The following SCHIP1 variants were observed in gnomAD, a reference collection of about 807,000 sequenced individuals.
SCHIP1 encodes schwannomin interacting protein 1.
SCHIP1 carries 8 observed loss-of-function variants against 29.7 expected under a neutral mutation model. The observed-to-expected ratio is 0.27, with a 90% CI of 0.16 to 0.49. The LOEUF (loss-of-function observed/expected upper bound fraction) is 0.49. Ranked by LOEUF, SCHIP1 falls within the 20% of genes least tolerant of loss-of-function variation. SCHIP1 has a pLI of 0.99. For missense variants in SCHIP1, 193 were observed against 294.6 expected (o/e 0.66, Z 2.52); for synonymous variants, 76 against 94.9 (o/e 0.80, Z 1.16).
At chr3:159,566,053 G>A in the SCHIP1 span, among the ~76,000 whole-genome samples, 3 of 152,130 alleles carry the variant, frequency 2.0e-5, no homozygotes, top group Non-Finnish European at 4.4e-5. Context: ...CATGTTCTAG[G>A]AGATTACATA....
At chr3:159,812,877 G>T in the SCHIP1 span, among the ~76,000 whole-genome samples, 6 of 152,176 alleles carry the variant, frequency 3.9e-5, no homozygotes, top group African/African-American at 7.2e-5. Context: ...AAGAAGCATG[G>T]TGCTGGCATC....
the SCHIP1 span, among the ~76,000 whole-genome samples, chr3:159,756,892 G>C: frequency 2.0e-5 from 3 of 152,230 alleles, no homozygotes; most frequent in East Asian, 5.8e-4. Flanking sequence ...CTTTGCTCCA[G>C]TTCCCAACAA....
chr3:159,678,789 G>A, the SCHIP1 span, among the ~76,000 whole-genome samples: 1 of 152,172 alleles, frequency 6.6e-6, no homozygotes, highest in Non-Finnish European at 1.5e-5. Context: ...TTACAATCGT[G>A]GTGGAAGGCA....
At chr3:159,279,338 G>T in the SCHIP1 span, among the ~76,000 whole-genome samples, 1 of 152,090 alleles carries the variant, frequency 6.6e-6, no homozygotes, top group Non-Finnish European at 1.5e-5. Flanking sequence ...TGCCATGATT[G>T]TGAGGCCTCC....
the SCHIP1 span, among the ~76,000 whole-genome samples, chr3:159,512,913 T>C: frequency 6.6e-6 from 1 of 152,214 alleles, no homozygotes; most frequent in South Asian, 2.1e-4. Flanking sequence ...TTGTTTTGAT[T>C]CTTAGATCTC....
intron 2 of SCHIP1, among the ~76,000 whole-genome samples, chr3:159,880,122 A>T (rs139935474): frequency 1.3e-4 from 20 of 152,304 alleles, no homozygotes; most frequent in African/African-American, 4.6e-4. Flanking sequence ...GAAGCCGAAC[A>T]CCTGAGTCCT....
chr3:159,493,951 C>T, the SCHIP1 span, among the ~76,000 whole-genome samples: 1 of 151,974 alleles, frequency 6.6e-6, no homozygotes, highest in Non-Finnish European at 1.5e-5. Context: ...AAGAAACTCA[C>T]TCAAAACCGC....
the SCHIP1 span, among the ~76,000 whole-genome samples, chr3:159,747,092 T>C: frequency 3.3e-5 from 5 of 152,192 alleles, no homozygotes; most frequent in African/African-American, 1.2e-4. Context: ...TCCCCAGATA[T>C]CCAACCCAGT....
the SCHIP1 span, among the ~76,000 whole-genome samples, chr3:159,724,817 A>G: frequency 6.6e-6 from 1 of 152,256 alleles, no homozygotes; most frequent in Admixed American, 6.5e-5. Flanking sequence ...GATTATTAAA[A>G]ATGTTTTCTT....
chr3:159,690,742 A>C, the SCHIP1 span, among the ~76,000 whole-genome samples: 4 of 152,154 alleles, frequency 2.6e-5, no homozygotes, highest in Non-Finnish European at 5.9e-5. Context: ...TAGTGCTATA[A>C]ATTTCCCTCT....
At chr3:159,626,976 T>C in the SCHIP1 span, among the ~76,000 whole-genome samples, 1 of 152,182 alleles carries the variant, frequency 6.6e-6, no homozygotes, top group Non-Finnish European at 1.5e-5. Flanking sequence ...CAACCCATCA[T>C]CTAGGTTTTA....
chr3:159,748,678 G>A, the SCHIP1 span, among the ~76,000 whole-genome samples: 1 of 152,216 alleles, frequency 6.6e-6, no homozygotes, highest in Non-Finnish European at 1.5e-5. Context: ...TTTTATGAGA[G>A]TCAAAAGGAA....
the SCHIP1 span, among the ~76,000 whole-genome samples, chr3:159,713,438 G>A: frequency 6.6e-6 from 1 of 152,158 alleles, no homozygotes; most frequent in Non-Finnish European, 1.5e-5. Flanking sequence ...GAATAACAGT[G>A]TCTATAGTGT....
chr3:159,385,806 A>G, the SCHIP1 span, among the ~76,000 whole-genome samples: 2 of 152,100 alleles, frequency 1.3e-5, no homozygotes, highest in Non-Finnish European at 2.9e-5. Flanking sequence ...TGCACCCATC[A>G]ACTACATTAG....
the SCHIP1 span, among the ~76,000 whole-genome samples, chr3:159,678,196 C>T: frequency 6.6e-6 from 1 of 152,206 alleles, no homozygotes; most frequent in Non-Finnish European, 1.5e-5. Flanking sequence ...TTTCCACTCA[C>T]CCAGGTCTGA....
At chr3:159,874,768 G>T (rs1262932559) in intron 2 of SCHIP1, among the ~76,000 whole-genome samples, 1 of 152,204 alleles carries the variant, frequency 6.6e-6, no homozygotes. Flanking sequence ...AATGAGGAAA[G>T]AGGTTGTCTA....
chr3:159,372,093 A>G, the SCHIP1 span, among the ~76,000 whole-genome samples: 1 of 152,224 alleles, frequency 6.6e-6, no homozygotes, highest in African/African-American at 2.4e-5. Context: ...TATTGGTCAA[A>G]GAATATATGT....
At chr3:159,814,392 T>G in the SCHIP1 span, among the ~76,000 whole-genome samples, 1 of 151,724 alleles carries the variant, frequency 6.6e-6, no homozygotes, top group Admixed American at 6.5e-5. Context: ...CCTGTGAATC[T>G]CTACCAGAGA....
At chr3:159,574,197 G>A in the SCHIP1 span, among the ~76,000 whole-genome samples, 9 of 152,160 alleles carry the variant, frequency 5.9e-5, no homozygotes, top group Non-Finnish European at 1.2e-4. Context: ...AGGCACTCTG[G>A]TTTTTAGAAT....
Sources: allele counts gnomAD v4.1 joint callset (sites outside exome capture counted in the v4.1 genomes callset), GRCh38; gene constraint gnomAD v4.1.1; transcripts MANE v1.5; gene names NCBI Gene and HGNC (gene_info 2026-07-23, HGNC 2026-07-21).